Variants in IQSEC2 observed in about 807,000 individuals in gnomAD.
IQSEC2 encodes the protein IQ motif and SEC7 domain-containing protein 2.
Under a neutral mutation model 74.6 loss-of-function variants are expected in IQSEC2, and 6 were observed. The observed-to-expected ratio is 0.08, with a 90% CI of 0.04 to 0.16. IQSEC2 has a LOEUF of 0.16. Among genes scored for constraint, IQSEC2 ranks in the 10% least tolerant of loss-of-function variants. The pLI is 1.00. For synonymous variants in IQSEC2, 494 were observed against 544.5 expected (o/e 0.91, Z 1.29); for missense variants, 734 against 1,306.2 (o/e 0.56, Z 6.75).
chrX:53,264,937 A>AG (rs2074631679), intron 2 of IQSEC2, among the ~76,000 whole-genome samples: 1 of 108,265 alleles, frequency 9.2e-6, no homozygotes, highest in South Asian at 4.1e-4. Context: ...AAAAAAAAAA[A>AG]AATCTTTTTG....
At chrX:53,291,264 C>A (rs1440950481) in intron 2 of IQSEC2, among the ~76,000 whole-genome samples, 1 of 111,637 alleles carries the variant, frequency 9.0e-6, no homozygotes, top group African/African-American at 3.3e-5. Flanking sequence ...GCCTCCCCAA[C>A]TGGCAGATTG....
At chrX:53,237,162 G>A (rs1482250835) in intron 12 of IQSEC2, among the ~76,000 whole-genome samples, 1 of 111,795 alleles carries the variant, frequency 8.9e-6, no homozygotes, top group Non-Finnish European at 1.9e-5. Flanking sequence ...AGCTTGCCCA[G>A]GGTCATACAG....
rs782701676 is a variant in IQSEC2 at position 53,241,828 on chromosome X, C to G, written c.2971G>C (p.Gly991Arg). The change falls in exon 10 of 15, where the codon GGG becomes CGG. Residue 991 changes from glycine (G) to arginine (R), a missense_variant. Transcript: ENST00000642864. ...AGGAAGACCTCCCGCTGATGCAACCCTAGCCTCTGGGGGCGGTTTGGATCT... is the reference window on the plus strand; with the variant it reads ...AGGAAGACCTCCCGCTGATGCAACCGTAGCCTCTGGGGGCGGTTTGGATCT... ...VPDPNRPQRL[G>R]LHQREVFLFN... 2 of 1,209,889 alleles carry G rather than the reference C, an allele frequency of 1.7e-6. No individual in the cohort carries two copies. The highest frequency in any genetic ancestry group is 3.0e-5 in the East Asian group (1 of 33,742).
chrX:53,294,889 C>T lies in IQSEC2; in HGVS notation c.708-2965G>A, dbSNP rs1332896980. Among the ~76,000 whole-genome samples, 10 of 111,848 alleles carry T rather than the reference C, an allele frequency of 8.9e-5. No individual in the cohort carries two copies. In the East Asian group the frequency reaches 2.3e-3, roughly 25 times the overall value. On this transcript the variant is annotated intron_variant, in intron 1 of 14. Coordinates refer to ENST00000642864, the MANE Select transcript of IQSEC2 (RefSeq NM_001111125.3). The stretch of plus-strand genomic sequence containing the variant: ...CCAGGCTGGAGTGCAATGGCACTAT[C>T]TTGGTTCACTGCAACCTCCGCCTCC...
chrX:53,299,253 T>C lies in IQSEC2; in HGVS notation c.708-7329A>G, dbSNP rs1160672992. 3.6e-5 allele frequency among the ~76,000 whole-genome samples: 4 copies of C among 111,084 alleles called. No homozygotes were observed. The East Asian group carries it at 1.1e-3, about 31-fold the overall frequency. ...AGTTTACATTAAAATAAAATATACC[T>C]AATCTTAAGGGTTCTTGGCTGGTGT... On this transcript the variant is annotated intron_variant, in intron 1 of 14. Transcript: ENST00000642864.
intron 2 of IQSEC2, among the ~76,000 whole-genome samples, chrX:53,258,919 C>T (rs782357978): frequency 4.6e-5 from 5 of 108,373 alleles, no homozygotes; most frequent in African/African-American, 1.0e-4. Context: ...GGCCTGGCGC[C>T]GTGGATCATG....
chrX:53,238,983 T>G (rs2074177417), intron 11 of IQSEC2, among the ~76,000 whole-genome samples: 1 of 111,256 alleles, frequency 9.0e-6, no homozygotes, highest in Non-Finnish European at 1.9e-5. Flanking sequence ...ACACATGCAC[T>G]GTGGTTCTCT....
chrX:53,268,358 G>T (rs1046845294), intron 2 of IQSEC2, among the ~76,000 whole-genome samples: 9 of 111,333 alleles, frequency 8.1e-5, no homozygotes, highest in African/African-American at 2.9e-4. Context: ...GCCTTTCTCA[G>T]ACTCAGAGCT....
intron 2 of IQSEC2, among the ~76,000 whole-genome samples, chrX:53,286,336 A>G (rs1556871724): frequency 8.9e-6 from 1 of 112,309 alleles, no homozygotes; most frequent in South Asian, 3.7e-4. Flanking sequence ...ACCAAAAACA[A>G]TCTTACAAGT....
rs1556863042 is a variant in IQSEC2, at chrX:53,250,465, T to C, written c.2111A>G (p.Asn704Ser). 8.3e-7 allele frequency: 1 copy of C among 1,211,547 alleles called. No individual in the cohort carries two copies. The highest frequency in any genetic ancestry group is 3.0e-5 in the East Asian group (1 of 33,825). ...GDNESLESSSNSNETINCSSG... is the reference protein window; with the variant it reads ...GDNESLESSSSSNETINCSSG... ...GCTGCAGTTGATGGTCTCATTGGAA[T>C]TGCTGGAGCTCTCAAGGCTCTCGTT... is the stretch of plus-strand genomic sequence containing the variant. The change falls in exon 5 of 15, where the codon AAT becomes AGT. Residue 704 changes from asparagine (N) to serine (S), a missense_variant. This residue lies in a region of IQSEC2 where 204 missense variants were observed against 305.4 expected (regional missense o/e 0.67). Coordinates refer to ENST00000642864, the MANE Select transcript of IQSEC2 (RefSeq NM_001111125.3).
intron 1 of IQSEC2, among the ~76,000 whole-genome samples, chrX:53,311,251 C>G (rs2075320072): frequency 9.2e-6 from 1 of 109,147 alleles, no homozygotes; most frequent in Non-Finnish European, 1.9e-5. Flanking sequence ...CTTTCTCTCT[C>G]TGGGCCTCAG....
At chrX:53,245,166 C>T (rs1001432521) in intron 8 of IQSEC2, among the ~76,000 whole-genome samples, 10 of 110,305 alleles carry the variant, frequency 9.1e-5, no homozygotes, top group Non-Finnish European at 1.5e-4. Context: ...CTGGGCAGGA[C>T]GTGGAGGCTC....
At chrX:53,248,335 G>T in intron 6 of IQSEC2, 99 bp from the exon 7 acceptor site, 1 of 1,036,769 alleles carries the variant, frequency 9.6e-7, no homozygotes, top group Non-Finnish European at 1.3e-6. Flanking sequence ...CCCACTGATA[G>T]ACTCTCAAAT....
At chrX:53,309,297 C>T (rs1254172391) in intron 1 of IQSEC2, among the ~76,000 whole-genome samples, 1 of 112,080 alleles carries the variant, frequency 8.9e-6, no homozygotes, top group Admixed American at 9.5e-5. Flanking sequence ...AAAGTGGTTG[C>T]ATCTGGGGCT....
In IQSEC2 at chrX:53,291,941, G is replaced by GA. The variant is rs782120447; in HGVS notation, c.708-18dup. ...CCATCAGATCTGAAAGGGAAACAGA[G>GA]AAAAAAAACCAAAACGGTCAGTATA... On this transcript the variant is annotated splice_polypyrimidine_tract_variant and intron_variant, in intron 1 of 14. Coordinates refer to ENST00000642864, the MANE Select transcript of IQSEC2 (RefSeq NM_001111125.3). 1.1e-5 allele frequency: 13 copies of GA among 1,161,925 alleles called. No homozygotes were observed. In the Admixed American group the frequency reaches 1.6e-4, roughly 14 times the overall value.
At chrX:53,317,897 G>A (rs1325765388) in intron 1 of IQSEC2, among the ~76,000 whole-genome samples, 1 of 111,759 alleles carries the variant, frequency 8.9e-6, no homozygotes, top group African/African-American at 3.3e-5. Context: ...GAGGGAGAGT[G>A]GAAAGGAGGG....
intron 1 of IQSEC2, among the ~76,000 whole-genome samples, chrX:53,297,639 A>G (rs975002504): frequency 1.8e-5 from 2 of 111,649 alleles, no homozygotes; most frequent in East Asian, 2.8e-4. Context: ...ATTACTGTCC[A>G]TTATTTTTTT....
chrX:53,291,279 C>T (rs953077624), intron 2 of IQSEC2, among the ~76,000 whole-genome samples: 7 of 111,571 alleles, frequency 6.3e-5, no homozygotes, highest in Admixed American at 1.9e-4. Flanking sequence ...AGATTGAGCA[C>T]ATCTTTAAAA....
intron 14 of IQSEC2, 78 bp downstream of exon 14, chrX:53,235,705 G>T (rs1393124655): frequency 2.9e-6 from 3 of 1,041,738 alleles, no homozygotes; most frequent in Admixed American, 5.2e-5. Context: ...GGGAGCAACA[G>T]GTCCCCTCCT....
Sources: allele counts gnomAD v4.1 joint callset (sites outside exome capture counted in the v4.1 genomes callset), GRCh38; gene constraint gnomAD v4.1.1; regional missense constraint gnomAD v4.1.1; transcripts MANE v1.5; gene names NCBI Gene and HGNC (gene_info 2026-07-23, HGNC 2026-07-21).